Variants in PPP2R3A observed in about 807,000 individuals in gnomAD.
PPP2R3A encodes the protein serine/threonine-protein phosphatase 2A regulatory subunit B'' subunit alpha.
PPP2R3A carries 80 observed loss-of-function variants against 106.9 expected under a neutral mutation model. The ratio of observed to expected loss-of-function variants is 0.75; its 90% confidence interval spans 0.62 to 0.90. PPP2R3A has a LOEUF of 0.90. Ranked by LOEUF, PPP2R3A falls within the 40% of genes least tolerant of loss-of-function variation. PPP2R3A has a pLI of 0.00. For synonymous variants in PPP2R3A, 483 were observed against 468.3 expected, an observed-to-expected ratio of 1.03 and a Z score of -0.41; for missense variants, 1,386 against 1,350.4, an observed-to-expected ratio of 1.03 and a Z score of -0.41.
At chr3:136,139,554 A>G (rs113242606) in intron 13 of PPP2R3A, among the ~76,000 whole-genome samples, 6,679 of 151,956 alleles carry the variant, frequency 0.044, 483 homozygotes, top group African/African-American at 0.15. Flanking sequence ...TTAGCTGGGC[A>G]TGGTGTTATG....
At chr3:136,125,942 G>A (rs934045483) in intron 13 of PPP2R3A, among the ~76,000 whole-genome samples, 2 of 152,164 alleles carry the variant, frequency 1.3e-5, no homozygotes, top group Admixed American at 1.3e-4. Context: ...AGTAAGGATA[G>A]AGGGGAAGTT....
rs879205397 is a variant in PPP2R3A at position 136,002,881 on chromosome 3, C to G, written c.1383C>G (p.Cys461Trp). The change falls in exon 2 of 14, where the codon TGC becomes TGG. Residue 461 changes from cysteine to tryptophan, a missense_variant. Coordinates refer to ENST00000264977, the MANE Select transcript of PPP2R3A (RefSeq NM_002718.5). Reference sequence around the variant, plus strand: ...AACATGCTACTCATCTTAAAAAATGCCCCACCCCAATGCAAAATGAAATTG... The same window carrying G: ...AACATGCTACTCATCTTAAAAAATGGCCCACCCCAATGCAAAATGAAATTG... ...FPEHATHLKK[C>W]PTPMQNEIGK... The G allele has an allele frequency of 6.2e-7, 1 of 1,613,416 alleles. No individual in the cohort carries two copies. The highest frequency in any genetic ancestry group is 8.5e-7 in the Non-Finnish European group (1 of 1,179,786).
intron 1 of PPP2R3A, among the ~76,000 whole-genome samples, chr3:135,981,247 T>C (rs953391359): frequency 1.3e-5 from 2 of 151,852 alleles, no homozygotes; most frequent in African/African-American, 4.9e-5. Context: ...TTGGTTTGTA[T>C]GTTGGGGAGT....
chr3:136,108,621 G>T (rs1937551979), intron 13 of PPP2R3A, among the ~76,000 whole-genome samples: 1 of 151,690 alleles, frequency 6.6e-6, no homozygotes, highest in Non-Finnish European at 1.5e-5. Flanking sequence ...AGGAAATACT[G>T]ATAATGAATA....
chr3:136,027,155 T>C, intron 3 of PPP2R3A, 57 bp downstream of exon 3: 1 of 1,466,596 alleles, frequency 6.8e-7, no homozygotes, highest in Non-Finnish European at 9.2e-7. Flanking sequence ...CCTGATCCCC[T>C]CCCCTTCTCT....
intron 2 of PPP2R3A, among the ~76,000 whole-genome samples, chr3:136,024,585 G>A (rs1218213627): frequency 1.3e-5 from 2 of 152,066 alleles, no homozygotes; most frequent in African/African-American, 4.8e-5. Flanking sequence ...ACTTATTTCT[G>A]TCAAAGCAAA....
intron 13 of PPP2R3A, among the ~76,000 whole-genome samples, chr3:136,126,863 C>T (rs112316893): frequency 3.3e-5 from 5 of 152,132 alleles, no homozygotes; most frequent in African/African-American, 4.8e-5. Flanking sequence ...GGTGATACCC[C>T]GGCAAACAGA....
rs150630601 is a variant in PPP2R3A at position 136,147,472 on chromosome 3, T to C, written c.*2306T>C. ...ATTTTCAGGAATTATAAGAATGTGT[T>C]TTATTGTACTCCTTCCTTGGAGCTG... is the stretch of plus-strand genomic sequence containing the variant. On this transcript the variant is annotated 3_prime_UTR_variant, in exon 14 of 14. Transcript: ENST00000264977. The C allele has an allele frequency of 5.6e-4, 85 of 152,744 alleles. No individual in the cohort carries two copies. The highest frequency in any genetic ancestry group is 2.0e-3 in the African/African-American group (84 of 41,574). 9.5% of individuals were successfully genotyped at this position (152,744 alleles called of 1,614,324 possible).
At chr3:136,142,244 A>T (rs1481441543) in intron 13 of PPP2R3A, among the ~76,000 whole-genome samples, 1 of 152,144 alleles carries the variant, frequency 6.6e-6, no homozygotes, top group East Asian at 1.9e-4. Flanking sequence ...ATTGTGAGAC[A>T]TACGGCACAT....
intron 2 of PPP2R3A, among the ~76,000 whole-genome samples, chr3:136,008,181 T>C (rs913579375): frequency 6.6e-6 from 1 of 152,244 alleles, no homozygotes; most frequent in Admixed American, 6.5e-5. Context: ...ATAAACACTT[T>C]TCTCTCTTTA....
intron 13 of PPP2R3A, among the ~76,000 whole-genome samples, chr3:136,134,720 G>A (rs1301187757): frequency 6.6e-6 from 1 of 152,044 alleles, no homozygotes; most frequent in Non-Finnish European, 1.5e-5. Flanking sequence ...TAATGAGCGT[G>A]TACTGTATTA....
chr3:135,993,713 A>G (rs760068067), intron 1 of PPP2R3A, among the ~76,000 whole-genome samples: 1 of 152,236 alleles, frequency 6.6e-6, no homozygotes, highest in East Asian at 1.9e-4. Context: ...TTGAATAGAC[A>G]AAACAAATTC....
intron 13 of PPP2R3A, among the ~76,000 whole-genome samples, chr3:136,109,408 A>T (rs181639819): frequency 2.9e-4 from 44 of 152,328 alleles, no homozygotes; most frequent in Non-Finnish European, 4.0e-4. Flanking sequence ...CAAAATAAAA[A>T]GATTCAATTA....
chr3:136,036,420 T>A (rs1227044967), intron 3 of PPP2R3A, among the ~76,000 whole-genome samples: 3 of 152,130 alleles, frequency 2.0e-5, no homozygotes, highest in African/African-American at 7.2e-5. Context: ...TTCCCTTGAT[T>A]TAGTACTCTC....
chr3:136,105,344 T>TA (rs1330189674), intron 12 of PPP2R3A, among the ~76,000 whole-genome samples: 3 of 152,166 alleles, frequency 2.0e-5, no homozygotes, highest in African/African-American at 7.2e-5. Flanking sequence ...AGAGTAGACT[T>TA]ACCAGGTGCT....
At chr3:135,993,395 A>T (rs142384395) in intron 1 of PPP2R3A, among the ~76,000 whole-genome samples, 1 of 152,356 alleles carries the variant, frequency 6.6e-6, no homozygotes, top group East Asian at 1.9e-4. Flanking sequence ...GCTAAAATTT[A>T]CAAGTATCTG....
rs1274817965 is a variant in PPP2R3A, at chr3:136,146,861, G to GA, written c.*1698dup. 3 of 129,460 alleles carry GA rather than the reference G, an allele frequency of 2.3e-5. No individual in the cohort carries two copies. Among genetic ancestry groups the GA allele is most frequent in the Non-Finnish European group, 4.9e-5 (3 of 61,138 alleles). 8.0% of individuals were successfully genotyped at this position (129,460 alleles called of 1,614,324 possible). A position where few individuals can be genotyped will look rare whatever the true frequency, so the allele number is the denominator to read the frequency against. On this transcript the variant is annotated 3_prime_UTR_variant, in exon 14 of 14. Coordinates refer to ENST00000264977, the MANE Select transcript of PPP2R3A (RefSeq NM_002718.5). ...AAAAGCAATTATTTCATTTCAGATAGAAATACAAAAAAAAAAAAAATACTT... is the reference window on the plus strand; with the variant it reads ...AAAAGCAATTATTTCATTTCAGATAGAAAATACAAAAAAAAAAAAAATACTT...
At chr3:136,061,729 G>T (rs535597626) in intron 5 of PPP2R3A, among the ~76,000 whole-genome samples, 8 of 151,984 alleles carry the variant, frequency 5.3e-5, no homozygotes, top group Non-Finnish European at 8.8e-5. Flanking sequence ...GACCATCCTG[G>T]CTAACACAGT....
chr3:136,129,543 A>C (rs538264265), intron 13 of PPP2R3A, among the ~76,000 whole-genome samples: 2 of 152,322 alleles, frequency 1.3e-5, no homozygotes, highest in South Asian at 4.1e-4. Flanking sequence ...CCAACCAAAA[A>C]AAGTCCAGGA....
Sources: allele counts gnomAD v4.1 joint callset (sites outside exome capture counted in the v4.1 genomes callset), GRCh38; gene constraint gnomAD v4.1.1; transcripts MANE v1.5; gene names NCBI Gene and HGNC (gene_info 2026-07-23, HGNC 2026-07-21).